EML6: variants seen among roughly 807,000 people sequenced by gnomAD.
EML6 encodes the protein echinoderm microtubule-associated protein-like 6.
In EML6, 154 loss-of-function variants were observed where a neutral mutation model predicts 240.1. That is an observed-to-expected ratio of 0.64 (90% CI 0.56 to 0.73). The LOEUF (loss-of-function observed/expected upper bound fraction) is 0.73. Among genes scored for constraint, EML6 ranks in the 30% least tolerant of loss-of-function variants. The pLI is 0.00. For synonymous variants in EML6, 1,148 were observed against 899.0 expected (o/e 1.28, Z -4.95); for missense variants, 2,964 against 2,474.6 (o/e 1.20, Z -4.20).
chr2:54,889,630 TTTATATACTGTACCTTTACTAAAATGTC>T (rs1474088086), intron 17 of EML6, among the ~76,000 whole-genome samples: 5 of 152,076 alleles, frequency 3.3e-5, no homozygotes, highest in African/African-American at 1.2e-4. Flanking sequence ...GGTATTCAAT[TTTATATACTGTACCTTTACTAAAATGTC>T]TTATTTGTAG....
At position 54,725,241 on chromosome 2, in the gene EML6, C is replaced by T; in HGVS notation, c.180C>T (p.His60=). 1 of 1,481,222 alleles carries T rather than the reference C, an allele frequency of 6.8e-7. No homozygotes were observed. The highest frequency in any genetic ancestry group is 9.0e-7 in the Non-Finnish European group (1 of 1,109,220). The allele number at this position is 1,481,222 out of a possible 1,614,324, so 91.8% of individuals were successfully genotyped here. Residue 60 remains histidine, a synonymous_variant, in exon 2 of 42, where the codon CAC becomes CAT. Coordinates refer to ENST00000356458, the MANE Select transcript of EML6 (RefSeq NM_001039753.4). This position sits in a 1 kb window ranked among gnomAD's most constrained non-coding sequence, Gnocchi z 4.3. The part of the protein sequence containing the change: ...REHSQKFFLG[H]NDDIISLALH... Reference sequence around the variant, plus strand: ...ACAGCCAAAAATTCTTCCTGGGACACAACGACGACATTATCAGGTAAGGGG... The same window carrying T: ...ACAGCCAAAAATTCTTCCTGGGACATAACGACGACATTATCAGGTAAGGGG...
chr2:54,734,565 A>C (rs1294094944), intron 2 of EML6, among the ~76,000 whole-genome samples: 1 of 152,122 alleles, frequency 6.6e-6, no homozygotes, highest in Non-Finnish European at 1.5e-5. Context: ...CGCAGATGGA[A>C]ATGAGGCTGA....
intron 17 of EML6, among the ~76,000 whole-genome samples, chr2:54,885,372 G>A (rs1470416640): frequency 3.3e-5 from 5 of 151,910 alleles, no homozygotes; most frequent in Non-Finnish European, 5.9e-5. Context: ...ACTTGAACCC[G>A]GGAGGCGGAG....
At chr2:54,777,427 T>C (rs1050588682) in intron 2 of EML6, among the ~76,000 whole-genome samples, 1 of 152,230 alleles carries the variant, frequency 6.6e-6, no homozygotes, top group African/African-American at 2.4e-5. Flanking sequence ...TTGGGTTCCA[T>C]GTAAATCTGA....
At chr2:54,860,840 A>G (rs967014687) in intron 12 of EML6, among the ~76,000 whole-genome samples, 2 of 152,160 alleles carry the variant, frequency 1.3e-5, no homozygotes, top group Non-Finnish European at 2.9e-5. Flanking sequence ...GGTTTATGCC[A>G]TGTGTTGAAT....
chr2:54,919,959 A>G (rs1674133980), intron 26 of EML6, among the ~76,000 whole-genome samples: 1 of 152,212 alleles, frequency 6.6e-6, no homozygotes, highest in Non-Finnish European at 1.5e-5. Flanking sequence ...TTTTTCTAAG[A>G]TTTTATTGTG....
At position 54,725,704 on chromosome 2, in the gene EML6, A is replaced by G. The variant is rs1296555207; in HGVS notation, c.197+446A>G. ...TTAAAAAAGATCTAAAAGAAATTTT[A>G]CTACTGGTAATTTGGAATCTTCATC... On this transcript the variant is annotated intron_variant, in intron 2 of 41. Coordinates refer to ENST00000356458, the MANE Select transcript of EML6 (RefSeq NM_001039753.4). This position sits in a 1 kb window ranked among gnomAD's most constrained non-coding sequence, Gnocchi z 4.3. 6.6e-6 allele frequency among the ~76,000 whole-genome samples: 1 copy of G among 152,248 alleles called. No individual in the cohort carries two copies. The highest frequency in any genetic ancestry group is 2.4e-5 in the African/African-American group (1 of 41,450).
chr2:54,928,149 A>G lies in EML6; in HGVS notation c.3676-164A>G, dbSNP rs189865415. Among the ~76,000 whole-genome samples the G allele has an allele frequency of 6.2e-3, 944 of 152,362 alleles. 5 individuals carry two copies. Among genetic ancestry groups the G allele is most frequent in the Non-Finnish European group, 7.2e-3 (487 of 68,036 alleles). On this transcript the variant is annotated intron_variant, in intron 26 of 41. Transcript: ENST00000356458. ...GTGAGCTGGGTACTGTTTGAAGAAA[A>G]AAGAGACCTAGTGCCTGCCCACATG...
chr2:54,892,511 T>C lies in EML6; in HGVS notation c.2597T>C (p.Met866Thr). The change falls in exon 19 of 42, where the codon ATG becomes ACG. Residue 866 changes from methionine to threonine, a missense_variant. Coordinates refer to ENST00000356458, the MANE Select transcript of EML6 (RefSeq NM_001039753.4). ...GGAAGCGTTGGAAAATTGGAAACAA[T>C]GATGTGTGTTTCTTACGGACGAATG... The part of the protein sequence containing the change: ...TFGSVGKLET[M>T]MCVSYGRMED... The C allele has an allele frequency of 1.3e-6, 2 of 1,551,328 alleles. No individual in the cohort carries two copies. The highest frequency in any genetic ancestry group is 8.7e-7 in the Non-Finnish European group (1 of 1,146,704).
intron 16 of EML6, among the ~76,000 whole-genome samples, chr2:54,878,373 G>A (rs1671618995): frequency 6.6e-6 from 1 of 152,128 alleles, no homozygotes; most frequent in African/African-American, 2.4e-5. Flanking sequence ...TACTGATGCA[G>A]GATGAGCTTG....
At chr2:54,949,183 G>A (rs1675842344) in intron 29 of EML6, among the ~76,000 whole-genome samples, 1 of 152,024 alleles carries the variant, frequency 6.6e-6, no homozygotes, top group Non-Finnish European at 1.5e-5. Context: ...CTGTCACCAG[G>A]TCCTTTCAGT....
intron 13 of EML6, 32 bp from the exon 14 acceptor site, chr2:54,866,734 A>T (rs1034672979): frequency 5.2e-6 from 7 of 1,337,528 alleles, no homozygotes; most frequent in Non-Finnish European, 7.3e-6. Flanking sequence ...GATGAAAGGC[A>T]TCTCACCCAG....
chr2:54,953,328 C>T (rs983201773), intron 31 of EML6, among the ~76,000 whole-genome samples: 1 of 152,208 alleles, frequency 6.6e-6, no homozygotes, highest in Admixed American at 6.5e-5. Context: ...TAAGGCTGTT[C>T]CATCCGTGAG....
At chr2:54,860,031 A>G (rs1043628732) in intron 12 of EML6, among the ~76,000 whole-genome samples, 1 of 152,180 alleles carries the variant, frequency 6.6e-6, no homozygotes, top group Non-Finnish European at 1.5e-5. Flanking sequence ...CTCTGAGAGA[A>G]AGTCATACAA....
intron 2 of EML6, among the ~76,000 whole-genome samples, chr2:54,738,074 A>C (rs1473778868): frequency 1.3e-5 from 2 of 152,090 alleles, no homozygotes. Flanking sequence ...TTAAAATTCA[A>C]ACTCTTCTCT....
At chr2:54,848,593 T>C (rs1669901741) in intron 9 of EML6, among the ~76,000 whole-genome samples, 1 of 151,084 alleles carries the variant, frequency 6.6e-6, no homozygotes, top group Non-Finnish European at 1.5e-5. Context: ...TAGTACACCA[T>C]AATGCTATTA....
intron 11 of EML6, among the ~76,000 whole-genome samples, chr2:54,859,279 A>T (rs946660375): frequency 1.3e-5 from 2 of 152,212 alleles, no homozygotes; most frequent in African/African-American, 2.4e-5. Flanking sequence ...AGCAGTAGGC[A>T]TTATTTGGAA....
chr2:54,857,203 G>A (rs115468040), intron 11 of EML6, among the ~76,000 whole-genome samples: 1 of 152,204 alleles, frequency 6.6e-6, no homozygotes. Flanking sequence ...TGGGCATCCG[G>A]GTGGACGTGG....
chr2:54,932,483 C>G (rs891339340), intron 28 of EML6, among the ~76,000 whole-genome samples: 4 of 152,164 alleles, frequency 2.6e-5, no homozygotes, highest in African/African-American at 9.7e-5. Context: ...CCAAACCTTC[C>G]CACCTCTCAA....
Sources: gnomAD v4.1 joint callset for allele counts (sites outside exome capture counted in the v4.1 genomes callset) on GRCh38, gnomAD v4.1.1 for gene constraint, Gnocchi (gnomAD v3.1) non-coding constraint, MANE v1.5 for transcripts, NCBI Gene and HGNC (gene_info 2026-07-23, HGNC 2026-07-21) for gene names.